ZBTB43: variants seen among roughly 807,000 people sequenced by gnomAD.
The protein encoded by ZBTB43 is zinc finger and BTB domain-containing protein 43.
A neutral mutation model predicts 31.1 loss-of-function variants in ZBTB43; 6 were observed. The observed-to-expected ratio is 0.19, with a 90% CI of 0.11 to 0.38. ZBTB43 has a LOEUF of 0.38. Ranked by LOEUF, ZBTB43 falls within the 10% of genes least tolerant of loss-of-function variation. The probability of loss-of-function intolerance (pLI) is 1.00; values close to 1 mark genes in which losing one functional copy is unlikely to be tolerated. For missense variants in ZBTB43, 379 were observed against 602.1 expected, an observed-to-expected ratio of 0.63 and a Z score of 3.88; for synonymous variants, 212 against 221.7, an observed-to-expected ratio of 0.96 and a Z score of 0.39.
intron 2 of ZBTB43, chr9:126,832,218 T>C (rs910363300): frequency 1.6e-5 from 6 of 375,888 alleles, no homozygotes; most frequent in Non-Finnish European, 2.4e-5. Context: ...GAGATTTGTA[T>C]AGCTTACAAA....
chr9:126,804,171 G>A (rs1340765832), upstream of ZBTB43, among the ~76,000 whole-genome samples: 5 of 152,158 alleles, frequency 3.3e-5, no homozygotes. Context: ...CTAACATGGG[G>A]GGGCAGTGGG....
chr9:126,805,381 G>A (rs1037019232), intron 1 of ZBTB43, among the ~76,000 whole-genome samples: 7 of 152,210 alleles, frequency 4.6e-5, no homozygotes, highest in Admixed American at 2.6e-4. Flanking sequence ...CTCGCCCAAG[G>A]TCACCCTCGC....
Position 126,837,294 on chromosome 9 carries a change from C to T in ZBTB43, c.*3381C>T, listed in dbSNP as rs1005690472. ...GTTGATTCCGATTTCTAGGTCTCAT[C>T]TTCCTCTGGTCCCTTTTGGCCACTA... On this transcript the variant is annotated 3_prime_UTR_variant, in exon 3 of 3. Coordinates refer to ENST00000373464, the MANE Select transcript of ZBTB43 (RefSeq NM_014007.4). 1 of 167,142 alleles carries T rather than the reference C, an allele frequency of 6.0e-6. No individual in the cohort carries two copies. Among genetic ancestry groups the T allele is most frequent in the Admixed American group, 6.5e-5 (1 of 15,284 alleles). The allele number at this position is 167,142 out of a possible 1,614,324, so 10.4% of individuals were successfully genotyped here.
intron 2 of ZBTB43, among the ~76,000 whole-genome samples, chr9:126,826,454 CTTTTTTTT>C (rs35094731): frequency 7.5e-5 from 4 of 53,598 alleles, no homozygotes; most frequent in African/African-American, 1.1e-4. Flanking sequence ...GCCCCCCCGC[CTTTTTTTT>C]TTTTTTTTTT....
At chr9:126,818,123 T>C (rs968821858) in intron 2 of ZBTB43, among the ~76,000 whole-genome samples, 33 of 149,842 alleles carry the variant, frequency 2.2e-4, no homozygotes, top group Non-Finnish European at 3.9e-4. Context: ...CTTTTTCTTT[T>C]TTTTTTTTTT....
intron 1 of ZBTB43, among the ~76,000 whole-genome samples, chr9:126,805,885 C>T (rs938803391): frequency 1.3e-5 from 2 of 152,188 alleles, no homozygotes; most frequent in Admixed American, 6.5e-5. Flanking sequence ...GCTGCCCAGA[C>T]CTCTGAGCCA....
rs557686223 is a variant in ZBTB43, at chr9:126,834,520, G to C, written c.*607G>C. ...TCTAAATATGAAACAGATAATTTAC[G>C]GTACAAGGCTGACATAGTGCCCTTG... is the stretch of plus-strand genomic sequence containing the variant. On this transcript the variant is annotated 3_prime_UTR_variant, in exon 3 of 3. Transcript: ENST00000373464. 6.0e-6 allele frequency: 1 copy of C among 167,128 alleles called. No individual in the cohort carries two copies. The highest frequency in any genetic ancestry group is 1.9e-4 in the East Asian group (1 of 5,186). 10.4% of individuals were successfully genotyped at this position (167,128 alleles called of 1,614,324 possible). A position where few individuals can be genotyped will look rare whatever the true frequency, so the allele number is the denominator to read the frequency against.
chr9:126,812,077 C>T (rs1308240675), intron 2 of ZBTB43, among the ~76,000 whole-genome samples: 2 of 152,110 alleles, frequency 1.3e-5, no homozygotes, highest in Non-Finnish European at 2.9e-5. Context: ...AGCAGTTGCT[C>T]CCCATTTCTT....
At chr9:126,831,684 G>A (rs1212133367) in intron 2 of ZBTB43, 1 of 151,990 alleles carries the variant, frequency 6.6e-6, no homozygotes, top group Non-Finnish European at 1.5e-5. Context: ...CTGGCGTGGT[G>A]GCTCACACCT....
In ZBTB43 at chr9:126,833,233, C is replaced by T. The variant is rs754972509; in HGVS notation, c.724C>T (p.Arg242Cys). Residue 242 changes from arginine to cysteine, a missense_variant, in exon 3 of 3, where the codon CGC becomes TGC. Arg to Cys is a radical substitution (Grantham distance 180). Coordinates refer to ENST00000373464, the MANE Select transcript of ZBTB43 (RefSeq NM_014007.4). This position sits in a 1 kb window ranked among gnomAD's most constrained non-coding sequence, Gnocchi z 7.9. ...YSKPSIMAHKRWIHVKPERLE... is the reference protein window; with the variant it reads ...YSKPSIMAHKCWIHVKPERLE... ...CAAGCCCAGCATCATGGCTCACAAACGCTGGATCCACGTGAAGCCCGAGCG... is the reference window on the plus strand; with the variant it reads ...CAAGCCCAGCATCATGGCTCACAAATGCTGGATCCACGTGAAGCCCGAGCG... 3 of 1,613,702 alleles carry T rather than the reference C, an allele frequency of 1.9e-6. No homozygotes were observed. Among genetic ancestry groups the T allele is most frequent in the Non-Finnish European group, 2.5e-6 (3 of 1,180,022 alleles).
At chr9:126,826,206 G>A (rs1299037418) in intron 2 of ZBTB43, among the ~76,000 whole-genome samples, 1 of 151,252 alleles carries the variant, frequency 6.6e-6, no homozygotes, top group Non-Finnish European at 1.5e-5. Context: ...TAGAGATGGG[G>A]TTTCACCATG....
chr9:126,821,408 A>T (rs935575344), intron 2 of ZBTB43, among the ~76,000 whole-genome samples: 13 of 152,058 alleles, frequency 8.5e-5, no homozygotes, highest in African/African-American at 3.1e-4. Flanking sequence ...CACAAAAAAA[A>T]TGTTTTGGAA....
rs746503099 is a variant in ZBTB43, at chr9:126,833,435, G to A, written c.926G>A (p.Ser309Asn). ...EAEFDEQADESNYDEQVDFYG... is the reference protein window; with the variant it reads ...EAEFDEQADENNYDEQVDFYG... ...GAGTTTGATGAACAGGCTGATGAAA[G>A]CAATTATGATGAGCAGGTGGATTTC... Residue 309 changes from serine to asparagine, a missense_variant, in exon 3 of 3, where the codon AGC becomes AAC. Coordinates refer to ENST00000373464, the MANE Select transcript of ZBTB43 (RefSeq NM_014007.4). The surrounding 1 kb of genome is among the most constrained non-coding windows in gnomAD (Gnocchi z 7.9). The A allele has an allele frequency of 2.1e-5, 34 of 1,614,076 alleles. No individual in the cohort carries two copies. The Admixed American group carries it at 5.3e-4, about 25-fold the overall frequency.
intron 2 of ZBTB43, among the ~76,000 whole-genome samples, chr9:126,812,136 C>G (rs1479346759): frequency 2.0e-5 from 3 of 152,110 alleles, no homozygotes; most frequent in Non-Finnish European, 4.4e-5. Flanking sequence ...TTTGTCTATT[C>G]TGGACATTTC....
At chr9:126,829,291 C>G (rs1223291851) in intron 2 of ZBTB43, among the ~76,000 whole-genome samples, 3 of 152,178 alleles carry the variant, frequency 2.0e-5, no homozygotes, top group Non-Finnish European at 4.4e-5. Context: ...CCAGCAGTTC[C>G]ACTGGTAGAA....
In ZBTB43 at chr9:126,832,784, G is replaced by A. The variant is rs138321525; in HGVS notation, c.275G>A (p.Arg92His). Residue 92 changes from arginine (R) to histidine (H), a missense_variant, in exon 3 of 3, where the codon CGT becomes CAT. Physicochemically the swap from Arg to His is conservative, Grantham distance 29. Transcript: ENST00000373464. The stretch of plus-strand genomic sequence containing the variant: ...ATTCTCCTATCTAGTTATACAGGAC[G>A]TCTAGTAATGCCCGCTCCAGAAATT... ...ENILLSSYTGRLVMPAPEIVS... is the reference protein window; with the variant it reads ...ENILLSSYTGHLVMPAPEIVS... The A allele has an allele frequency of 2.9e-5, 46 of 1,614,022 alleles. No homozygotes were observed. Among genetic ancestry groups the A allele is most frequent in the Admixed American group, 2.8e-4 (17 of 60,004 alleles).
chr9:126,834,786 C>T lies in ZBTB43; in HGVS notation c.*873C>T, dbSNP rs12683887. 0.021 allele frequency: 3,511 copies of T among 167,136 alleles called. 432 individuals are homozygous for T. The East Asian group carries it at 0.38, about 18-fold the overall frequency. The allele number at this position is 167,136 out of a possible 1,614,324, so 10.4% of individuals were successfully genotyped here. ...GACACCAAGCTGCTGTGACTGACCACGGTACCACGGGCTGCCACAGCCCCT... is the reference window on the plus strand; with the variant it reads ...GACACCAAGCTGCTGTGACTGACCATGGTACCACGGGCTGCCACAGCCCCT... On this transcript the variant is annotated 3_prime_UTR_variant, in exon 3 of 3. Coordinates refer to ENST00000373464, the MANE Select transcript of ZBTB43 (RefSeq NM_014007.4).
intron 2 of ZBTB43, among the ~76,000 whole-genome samples, chr9:126,831,110 C>T (rs1352953015): frequency 2.0e-5 from 3 of 152,114 alleles, no homozygotes; most frequent in Non-Finnish European, 4.4e-5. Context: ...AGTGACTGTG[C>T]CCCTTTAGTG....
intron 1 of ZBTB43, among the ~76,000 whole-genome samples, chr9:126,806,007 T>C (rs2032119899): frequency 6.6e-6 from 1 of 152,132 alleles, no homozygotes; most frequent in Non-Finnish European, 1.5e-5. Flanking sequence ...AGTGTCAGAG[T>C]GCAGGAGAGC....
Sources: allele counts gnomAD v4.1 joint callset (sites outside exome capture counted in the v4.1 genomes callset), GRCh38; gene constraint gnomAD v4.1.1; non-coding constraint Gnocchi (gnomAD v3.1); transcripts MANE v1.5; gene names NCBI Gene and HGNC (gene_info 2026-07-23, HGNC 2026-07-21).